The following ADAMTSL1 variants were observed in gnomAD, a reference collection of about 807,000 sequenced individuals.
ADAMTSL1 encodes ADAMTS like 1, also known as ADAMTS-like protein 1.
A neutral mutation model predicts 201.8 loss-of-function variants in ADAMTSL1; 126 were observed. The observed-to-expected ratio is 0.62, with a 90% CI of 0.54 to 0.72. The LOEUF (loss-of-function observed/expected upper bound fraction) is 0.72. Ranked by LOEUF, ADAMTSL1 falls within the 30% of genes least tolerant of loss-of-function variation. The probability of loss-of-function intolerance (pLI) is 0.00; values close to 1 mark genes in which losing one functional copy is unlikely to be tolerated. For synonymous variants in ADAMTSL1, 1,121 were observed against 903.4 expected, an observed-to-expected ratio of 1.24 and a Z score of -4.32; for missense variants, 2,679 against 2,277.8, an observed-to-expected ratio of 1.18 and a Z score of -3.59.
intron 2 of ADAMTSL1, among the ~76,000 whole-genome samples, chr9:18,530,885 G>C (rs1306123044): frequency 2.6e-5 from 4 of 152,110 alleles, no homozygotes. Flanking sequence ...TCACTGCACT[G>C]TGGTACGTAT....
Position 18,522,278 on chromosome 9 carries a change from C to T in ADAMTSL1, c.192-10969C>T, listed in dbSNP as rs548452062. Among the ~76,000 whole-genome samples, 3 of 152,088 alleles carry T rather than the reference C, an allele frequency of 2.0e-5. No homozygotes were observed. The East Asian group carries it at 5.8e-4, about 29-fold the overall frequency. On this transcript the variant is annotated intron_variant, in intron 2 of 28. Coordinates refer to ENST00000380548, the MANE Select transcript of ADAMTSL1 (RefSeq NM_001040272.6). Reference sequence around the variant, plus strand: ...CCCGTGTAACAAACCTGCACTTGTACCCGAGTCTAAAATAAAAGTTGAAAT... The same window carrying T: ...CCCGTGTAACAAACCTGCACTTGTATCCGAGTCTAAAATAAAAGTTGAAAT...
intron 2 of ADAMTSL1, among the ~76,000 whole-genome samples, chr9:18,515,449 C>T (rs1818311252): frequency 6.6e-6 from 1 of 152,174 alleles, no homozygotes; most frequent in South Asian, 2.1e-4. Context: ...GTCCTCCTAT[C>T]TCAGCCTCCC....
At chr9:17,992,237 T>A (rs1819186374) in intron 1 of ADAMTSL1, among the ~76,000 whole-genome samples, 1 of 152,148 alleles carries the variant, frequency 6.6e-6, no homozygotes, top group Admixed American at 6.5e-5. Context: ...GAGGTCAAGC[T>A]AGGGTAGACA....
chr9:18,235,140 T>C (rs1830794689), intron 2 of ADAMTSL1, among the ~76,000 whole-genome samples: 1 of 152,196 alleles, frequency 6.6e-6, no homozygotes, highest in South Asian at 2.1e-4. Context: ...GCATTACATT[T>C]ACACATCATG....
intron 4 of ADAMTSL1, among the ~76,000 whole-genome samples, chr9:18,588,371 G>A (rs958167909): frequency 1.3e-5 from 2 of 151,964 alleles, no homozygotes; most frequent in South Asian, 4.2e-4. Flanking sequence ...TTAACTCCTT[G>A]CCAGATGGAT....
chr9:18,471,878 G>A (rs1031183496), upstream of ADAMTSL1, among the ~76,000 whole-genome samples: 2 of 152,180 alleles, frequency 1.3e-5, no homozygotes, highest in Admixed American at 6.5e-5. Context: ...TACCTAGGCA[G>A]TATTTATTTG....
At chr9:18,378,867 C>A (rs1777099874) in intron 2 of ADAMTSL1, among the ~76,000 whole-genome samples, 1 of 152,006 alleles carries the variant, frequency 6.6e-6, no homozygotes, top group African/African-American at 2.4e-5. Context: ...GGGATCAAGA[C>A]AGGGATAGGG....
At chr9:18,356,484 T>C (rs1359437562) in intron 2 of ADAMTSL1, among the ~76,000 whole-genome samples, 2 of 145,628 alleles carry the variant, frequency 1.4e-5, no homozygotes, top group Non-Finnish European at 3.0e-5. Context: ...GCTATGATTG[T>C]GCTAGTGTAT....
intron 2 of ADAMTSL1, among the ~76,000 whole-genome samples, chr9:18,193,691 G>A (rs533525485): frequency 6.1e-4 from 93 of 152,214 alleles, no homozygotes; most frequent in African/African-American, 1.8e-3. Flanking sequence ...AGGACAGGCC[G>A]TCTGTTTGGA....
chr9:18,827,552 G>C (rs892290199), intron 22 of ADAMTSL1, among the ~76,000 whole-genome samples: 1 of 152,154 alleles, frequency 6.6e-6, no homozygotes, highest in Non-Finnish European at 1.5e-5. Flanking sequence ...TTTTGCGCTG[G>C]GTTTCATCCA....
chr9:18,412,197 G>T (rs1325611223), intron 2 of ADAMTSL1, among the ~76,000 whole-genome samples: 1 of 152,064 alleles, frequency 6.6e-6, no homozygotes, highest in Non-Finnish European at 1.5e-5. Flanking sequence ...TTTAATTTAG[G>T]TTCCGTTTTT....
chr9:18,450,372 TG>T (rs1820356969), intron 2 of ADAMTSL1, among the ~76,000 whole-genome samples: 2 of 152,268 alleles, frequency 1.3e-5, no homozygotes, highest in Non-Finnish European at 1.5e-5. Context: ...ATAAACTTGA[TG>T]TTTTTAAAAA....
At chr9:18,324,305 AT>A (rs1834740468) in intron 2 of ADAMTSL1, among the ~76,000 whole-genome samples, 1 of 152,222 alleles carries the variant, frequency 6.6e-6, no homozygotes, top group Non-Finnish European at 1.5e-5. Context: ...ACAAAACTTA[AT>A]TCAAAATGGA....
chr9:18,232,260 A>G (rs1377802754), intron 2 of ADAMTSL1, among the ~76,000 whole-genome samples: 3 of 151,966 alleles, frequency 2.0e-5, no homozygotes, highest in Non-Finnish European at 4.4e-5. Context: ...CTCTACTTGG[A>G]CTGCTCTTCC....
At chr9:18,153,284 T>C (rs1827000948) in intron 1 of ADAMTSL1, among the ~76,000 whole-genome samples, 2 of 152,060 alleles carry the variant, frequency 1.3e-5, no homozygotes, top group Admixed American at 1.3e-4. Context: ...TTTTAATCTA[T>C]ACTCTGACCC....
intron 2 of ADAMTSL1, among the ~76,000 whole-genome samples, chr9:18,450,606 A>T (rs1820367034): frequency 6.6e-6 from 1 of 151,750 alleles, no homozygotes; most frequent in Non-Finnish European, 1.5e-5. Flanking sequence ...ATATATATGT[A>T]TGTATATATG....
chr9:17,967,564 A>T (rs1338584484), intron 1 of ADAMTSL1, among the ~76,000 whole-genome samples: 15 of 152,124 alleles, frequency 9.9e-5, no homozygotes, highest in Admixed American at 9.8e-4. Flanking sequence ...CATATAGATG[A>T]CAAAAAAGAG....
intron 1 of ADAMTSL1, among the ~76,000 whole-genome samples, chr9:17,916,067 G>A (rs542857783): frequency 2.6e-5 from 4 of 152,094 alleles, no homozygotes; most frequent in Non-Finnish European, 4.4e-5. Flanking sequence ...TGACAGGTGC[G>A]TGCCACCATG....
chr9:18,379,295 CGA>C (rs1050385870), intron 2 of ADAMTSL1, among the ~76,000 whole-genome samples: 67 of 152,262 alleles, frequency 4.4e-4, no homozygotes, highest in African/African-American at 1.6e-3. Context: ...TTTGTGAGAT[CGA>C]GAGATTCCAA....
Sources: gnomAD v4.1 joint callset for allele counts (sites outside exome capture counted in the v4.1 genomes callset) on GRCh38, gnomAD v4.1.1 for gene constraint, MANE v1.5 for transcripts, NCBI Gene and HGNC (gene_info 2026-07-23, HGNC 2026-07-21) for gene names.